Variants in CYP2C19 observed in about 807,000 individuals in gnomAD.
CYP2C19 encodes cytochrome P450 2C19.
In CYP2C19, 59 loss-of-function variants were observed where a neutral mutation model predicts 40.9. The observed-to-expected ratio is 1.44, with a 90% CI of 1.17 to 1.79. CYP2C19 has a LOEUF of 1.79. Ranked by LOEUF, CYP2C19 falls within the 40% of genes most tolerant of loss-of-function variation. The pLI is 0.00. For synonymous variants in CYP2C19, 253 were observed against 208.7 expected, an observed-to-expected ratio of 1.21 and a Z score of -1.83; for missense variants, 754 against 596.9, an observed-to-expected ratio of 1.26 and a Z score of -2.74.
rs115730455 is a variant in CYP2C19, at chr10:94,844,430, T to C, written c.1149+1406T>C. Among the ~76,000 whole-genome samples, 475 of 148,380 alleles carry C rather than the reference T, an allele frequency of 3.2e-3. 3 individuals are homozygous for C. The highest frequency in any genetic ancestry group is 0.011 in the African/African-American group (452 of 41,474). On this transcript the variant is annotated intron_variant, in intron 7 of 8. Coordinates refer to ENST00000371321, the MANE Select transcript of CYP2C19 (RefSeq NM_000769.4). ...CTCTGAGGTTCTCCTACCTCTGGAA[T>C]CTTGAGACCAATTTTTGTCTTGGCA...
At chr10:94,765,741 T>C (rs891083739) in intron 1 of CYP2C19, among the ~76,000 whole-genome samples, 1 of 151,966 alleles carries the variant, frequency 6.6e-6, no homozygotes, top group African/African-American at 2.4e-5. Context: ...GAGGAGGTGA[T>C]GATATTTTGG....
rs190313352 is a variant in CYP2C19, at chr10:94,778,708, G to A, written c.482-1791G>A. Reference sequence around the variant, plus strand: ...CAACCACTGTGGAAGACAGTGTGGCGATTCCTCAATGCTAGAACCAGAAAT... The same window carrying A: ...CAACCACTGTGGAAGACAGTGTGGCAATTCCTCAATGCTAGAACCAGAAAT... On this transcript the variant is annotated intron_variant, in intron 3 of 8. Transcript: ENST00000371321. Among the ~76,000 whole-genome samples the A allele has an allele frequency of 2.6e-5, 4 of 152,238 alleles. No homozygotes were observed. The East Asian group carries it at 5.8e-4, about 22-fold the overall frequency.
At chr10:94,828,748 C>T (rs1849274205) in intron 6 of CYP2C19, among the ~76,000 whole-genome samples, 1 of 152,008 alleles carries the variant, frequency 6.6e-6, no homozygotes, top group Non-Finnish European at 1.5e-5. Flanking sequence ...GATGCAGTTT[C>T]TTCCTAGACT....
At chr10:94,850,360 A>T (rs1238813320) in intron 8 of CYP2C19, among the ~76,000 whole-genome samples, 1 of 152,152 alleles carries the variant, frequency 6.6e-6, no homozygotes, top group East Asian at 1.9e-4. Context: ...GATAAAACTA[A>T]TTACATTTTC....
chr10:94,790,808 A>G (rs1343671651), intron 5 of CYP2C19, among the ~76,000 whole-genome samples: 1 of 152,142 alleles, frequency 6.6e-6, no homozygotes, highest in African/African-American at 2.4e-5. Context: ...GATGTTCATC[A>G]GGGATATTGG....
intron 5 of CYP2C19, among the ~76,000 whole-genome samples, chr10:94,784,043 T>C (rs866587098): frequency 1.3e-5 from 2 of 152,190 alleles, no homozygotes; most frequent in Non-Finnish European, 2.9e-5. Flanking sequence ...AAACGTATTA[T>C]ATTCGCTAAA....
intron 6 of CYP2C19, among the ~76,000 whole-genome samples, chr10:94,837,081 A>T (rs943045427): frequency 1.3e-5 from 2 of 152,080 alleles, no homozygotes; most frequent in African/African-American, 2.4e-5. Flanking sequence ...ACTGTAAACC[A>T]CTCTGCTTCC....
intron 5 of CYP2C19, 131 bp from the exon 6 acceptor site, chr10:94,820,365 A>T: frequency 9.6e-7 from 1 of 1,041,520 alleles, no homozygotes; most frequent in East Asian, 2.6e-5. Context: ...GCTCCTATTC[A>T]ATATTTTTTT....
intron 5 of CYP2C19, among the ~76,000 whole-genome samples, chr10:94,812,663 A>G (rs952521982): frequency 2.0e-5 from 3 of 152,042 alleles, no homozygotes; most frequent in South Asian, 2.1e-4. Context: ...TGCTTTATCA[A>G]TTTGGCTATT....
chr10:94,830,412 G>A (rs1289947243), intron 6 of CYP2C19, among the ~76,000 whole-genome samples: 4 of 152,156 alleles, frequency 2.6e-5, no homozygotes, highest in Admixed American at 1.3e-4. Flanking sequence ...GGAGTGACCC[G>A]ATTTTCCAGG....
At chr10:94,806,183 T>A (rs548105620) in intron 5 of CYP2C19, among the ~76,000 whole-genome samples, 13 of 152,202 alleles carry the variant, frequency 8.5e-5, no homozygotes, top group Non-Finnish European at 1.9e-4. Flanking sequence ...TATTTCACTT[T>A]GCCTAATGTT....
At chr10:94,826,962 A>AT (rs1477557144) in intron 6 of CYP2C19, among the ~76,000 whole-genome samples, 1 of 152,140 alleles carries the variant, frequency 6.6e-6, no homozygotes, top group Non-Finnish European at 1.5e-5. Context: ...GCTGGATTAC[A>AT]TTTATTGATT....
rs186534775 is a variant in CYP2C19, at chr10:94,830,291, G to A, written c.961+9654G>A. Among the ~76,000 whole-genome samples the A allele has an allele frequency of 4.7e-3, 712 of 152,338 alleles. 5 individuals are homozygous for A. Among genetic ancestry groups the A allele is most frequent in the African/African-American group, 0.016 (684 of 41,578 alleles). The stretch of plus-strand genomic sequence containing the variant: ...TTGCAGTTTGATCTCAGACTGCTGT[G>A]CTAGCAATTAGTGAGACTCCGTGGG... On this transcript the variant is annotated intron_variant, in intron 6 of 8. Transcript: ENST00000371321.
At chr10:94,775,653 G>T (rs2134236880) in intron 3 of CYP2C19, 114 bp downstream of exon 3, 1 of 1,575,096 alleles carries the variant, frequency 6.3e-7, no homozygotes, top group East Asian at 2.2e-5. Context: ...CTGGTTGTTA[G>T]CTCATGTGAA....
In CYP2C19 at chr10:94,854,180, G is replaced by T. The variant is rs989232423; in HGVS notation, c.*1266G>T. Among the ~76,000 whole-genome samples the T allele has an allele frequency of 4.0e-5, 6 of 151,712 alleles. No homozygotes were observed. Among genetic ancestry groups the T allele is most frequent in the African/African-American group, 1.5e-4 (6 of 41,294 alleles). On this transcript the variant is annotated 3_prime_UTR_variant, in exon 9 of 9. Coordinates refer to ENST00000371321, the MANE Select transcript of CYP2C19 (RefSeq NM_000769.4). ...ATTACAGGTGCCTACCACCACACCAGGCTAATTTTTGTATTTTTAGTAGAG... is the reference window on the plus strand; with the variant it reads ...ATTACAGGTGCCTACCACCACACCATGCTAATTTTTGTATTTTTAGTAGAG...
At chr10:94,774,519 T>A (rs1338677941) in intron 1 of CYP2C19, 3 of 160,460 alleles carry the variant, frequency 1.9e-5, no homozygotes, top group Non-Finnish European at 4.1e-5. Flanking sequence ...GACCTCTACA[T>A]GGGCTTTTGG....
chr10:94,800,921 T>G (rs1848755245), intron 5 of CYP2C19, among the ~76,000 whole-genome samples: 1 of 152,142 alleles, frequency 6.6e-6, no homozygotes, highest in South Asian at 2.1e-4. Flanking sequence ...AGGTATCATC[T>G]CTCACGGCTT....
rs116160207 is a variant in CYP2C19, at chr10:94,851,038, A to G, written c.1291+980A>G. On this transcript the variant is annotated intron_variant, in intron 8 of 8. Transcript: ENST00000371321. The stretch of plus-strand genomic sequence containing the variant: ...TAACAAGGAAAGAAACCTTCCTTCA[A>G]GCATTCACATTTAGCACATGTATCA... Among the ~76,000 whole-genome samples the G allele has an allele frequency of 3.2e-3, 487 of 152,268 alleles. 3 individuals carry two copies. Among genetic ancestry groups the G allele is most frequent in the African/African-American group, 0.011 (464 of 41,566 alleles).
intron 6 of CYP2C19, among the ~76,000 whole-genome samples, chr10:94,821,817 G>T (rs1333855129): frequency 1.3e-5 from 2 of 151,546 alleles, no homozygotes; most frequent in African/African-American, 4.9e-5. Flanking sequence ...AGATTAAAGG[G>T]TAAAAATACA....
Sources: allele counts gnomAD v4.1 joint callset (sites outside exome capture counted in the v4.1 genomes callset), GRCh38; gene constraint gnomAD v4.1.1; transcripts MANE v1.5; gene names NCBI Gene and HGNC (gene_info 2026-07-23, HGNC 2026-07-21).